GNG7: variants seen among roughly 807,000 people sequenced by gnomAD.
GNG7 encodes the protein guanine nucleotide-binding protein G(I)/G(S)/G(O) subunit gamma-7.
In GNG7, 1 loss-of-function variant was observed where a neutral mutation model predicts 4.0. That is an observed-to-expected ratio of 0.25 (90% CI 0.09 to 1.18). GNG7 has a LOEUF of 1.18. Among genes scored for constraint, GNG7 ranks in the 50% most tolerant of loss-of-function variants. The probability of loss-of-function intolerance (pLI) is 0.50; values close to 1 mark genes in which losing one functional copy is unlikely to be tolerated. For missense variants in GNG7, 86 were observed against 91.9 expected (o/e 0.94, Z 0.26); for synonymous variants, 34 against 36.9 (o/e 0.92, Z 0.29).
At chr19:2,553,961 TAC>T (rs1170109188) in intron 3 of GNG7, among the ~76,000 whole-genome samples, 1 of 132,938 alleles carries the variant, frequency 7.5e-6, no homozygotes, top group African/African-American at 2.9e-5. Flanking sequence ...TAATATATAT[TAC>T]ACATATGTAT....
chr19:2,651,244 CT>C (rs35541150), intron 1 of GNG7, among the ~76,000 whole-genome samples: 1,839 of 76,328 alleles, frequency 0.024, 20 homozygotes, highest in Admixed American at 0.05. Context: ...TCCTTCCTTC[CT>C]TTCCTTCCTT....
intron 3 of GNG7, among the ~76,000 whole-genome samples, chr19:2,551,511 C>G (rs1979318121): frequency 1.2e-5 from 1 of 83,932 alleles, no homozygotes; most frequent in Non-Finnish European, 2.1e-5. Context: ...TTCATACAAT[C>G]TTTTATTATT....
chr19:2,589,791 C>T (rs376416539), intron 2 of GNG7, among the ~76,000 whole-genome samples: 19 of 152,268 alleles, frequency 1.2e-4, no homozygotes, highest in African/African-American at 4.6e-4. Context: ...AGACAAAAGG[C>T]CACACAGTGT....
At chr19:2,583,493 C>T (rs1245530808) in intron 2 of GNG7, among the ~76,000 whole-genome samples, 2 of 152,168 alleles carry the variant, frequency 1.3e-5, no homozygotes, top group African/African-American at 4.8e-5. Context: ...CCCGCCCCAG[C>T]CCAAGCTGTG....
intron 2 of GNG7, among the ~76,000 whole-genome samples, chr19:2,555,823 A>G (rs2144763434): frequency 6.6e-6 from 1 of 152,202 alleles, no homozygotes; most frequent in East Asian, 1.9e-4. Flanking sequence ...GCGGTTTTCC[A>G]TGGAACGGAA....
At chr19:2,520,865 T>C (rs565465766) in intron 3 of GNG7, 140 bp from the exon 4 acceptor site, 80 of 575,062 alleles carry the variant, frequency 1.4e-4, no homozygotes, top group South Asian at 1.3e-3. Context: ...GGCCTCCGTG[T>C]ACAAAGAGCT....
chr19:2,600,323 C>A (rs1258997240), intron 2 of GNG7, among the ~76,000 whole-genome samples: 2 of 151,148 alleles, frequency 1.3e-5, no homozygotes, highest in Non-Finnish European at 1.5e-5. Context: ...AAATTTCTTT[C>A]ATGTCTGGCT....
chr19:2,548,089 G>C (rs1436460535), intron 3 of GNG7, among the ~76,000 whole-genome samples: 1 of 152,068 alleles, frequency 6.6e-6, no homozygotes, highest in African/African-American at 2.4e-5. Context: ...CCCTGGTGTT[G>C]TTAGAAAGTC....
intron 3 of GNG7, among the ~76,000 whole-genome samples, chr19:2,523,445 T>A (rs1356506930): frequency 6.6e-6 from 1 of 151,890 alleles, no homozygotes; most frequent in Non-Finnish European, 1.5e-5. Context: ...CCCAGCTACT[T>A]GGGAGGCTGA....
At chr19:2,544,695 G>A (rs939853790) in intron 3 of GNG7, among the ~76,000 whole-genome samples, 6 of 152,118 alleles carry the variant, frequency 3.9e-5, no homozygotes, top group Non-Finnish European at 7.4e-5. Flanking sequence ...TGGGCCAACA[G>A]TGGCTCTTAA....
intron 2 of GNG7, among the ~76,000 whole-genome samples, chr19:2,623,320 A>G (rs1249463486): frequency 1.3e-5 from 2 of 151,996 alleles, no homozygotes; most frequent in Non-Finnish European, 2.9e-5. Flanking sequence ...ACCAGGTCTC[A>G]AGAAAACAAA....
At chr19:2,594,447 G>GAAGGAAGGA (rs113980932) in intron 2 of GNG7, among the ~76,000 whole-genome samples, 4,472 of 127,106 alleles carry the variant, frequency 0.035, 110 homozygotes, top group Non-Finnish European at 0.048. Flanking sequence ...AGGAAGGAAG[G>GAAGGAAGGA]AGGAAGAAAG....
At chr19:2,590,969 T>C (rs1272837096) in intron 2 of GNG7, among the ~76,000 whole-genome samples, 1 of 152,180 alleles carries the variant, frequency 6.6e-6, no homozygotes, top group African/African-American at 2.4e-5. Flanking sequence ...ACATACATAC[T>C]AGAAATGGTA....
intron 3 of GNG7, among the ~76,000 whole-genome samples, chr19:2,532,502 T>C (rs1978627258): frequency 1.3e-5 from 2 of 152,164 alleles, no homozygotes; most frequent in Non-Finnish European, 2.9e-5. Flanking sequence ...TGACGTCTAA[T>C]ATACGTGTTA....
At chr19:2,521,885 A>T (rs1195873150) in intron 3 of GNG7, among the ~76,000 whole-genome samples, 1 of 152,058 alleles carries the variant, frequency 6.6e-6, no homozygotes, top group Non-Finnish European at 1.5e-5. Flanking sequence ...AAGTGCTGGG[A>T]TGACAGGTGT....
intron 1 of GNG7, among the ~76,000 whole-genome samples, chr19:2,691,866 CAAA>C (rs10709787): frequency 1.3e-4 from 16 of 125,954 alleles, no homozygotes; most frequent in African/African-American, 8.7e-5. Context: ...GATTGCATCT[CAAA>C]AAAAAAAAAA....
chr19:2,548,397 C>T (rs1335541349), intron 3 of GNG7, among the ~76,000 whole-genome samples: 4 of 147,724 alleles, frequency 2.7e-5, no homozygotes, highest in East Asian at 2.0e-4. Flanking sequence ...AGGAGAATGC[C>T]GTGAACTCGG....
At chr19:2,527,756 C>A (rs1010628895) in intron 3 of GNG7, among the ~76,000 whole-genome samples, 4 of 150,474 alleles carry the variant, frequency 2.7e-5, no homozygotes, top group Middle Eastern at 6.8e-3. Context: ...CTGGTCTCCA[C>A]CCACTCCTTG....
chr19:2,606,884 G>T (rs867120536), intron 2 of GNG7, among the ~76,000 whole-genome samples: 2 of 151,810 alleles, frequency 1.3e-5, no homozygotes, highest in Non-Finnish European at 2.9e-5. Context: ...GTGTTTGCAC[G>T]CAGTGTTCAT....
Sources: allele counts gnomAD v4.1 joint callset (sites outside exome capture counted in the v4.1 genomes callset), GRCh38; gene constraint gnomAD v4.1.1; transcripts MANE v1.5; gene names NCBI Gene and HGNC (gene_info 2026-07-23, HGNC 2026-07-21).